CHIC2: variants seen among roughly 807,000 people sequenced by gnomAD.
CHIC2 encodes cysteine-rich hydrophobic domain-containing protein 2.
A neutral mutation model predicts 25.9 loss-of-function variants in CHIC2; 14 were observed. The observed-to-expected ratio is 0.54, with a 90% confidence interval of 0.36 to 0.85. The LOEUF is 0.85. Ranked by LOEUF, CHIC2 falls within the 40% of genes least tolerant of loss-of-function variation. CHIC2 has a pLI of 0.01. For missense variants in CHIC2, 146 were observed against 202.0 expected (o/e 0.72, Z 1.68); for synonymous variants, 70 against 72.0 (o/e 0.97, Z 0.14).
the CHIC2 span, among the ~76,000 whole-genome samples, chr4:54,074,242 T>TCAA: frequency 6.6e-6 from 1 of 152,204 alleles, no homozygotes; most frequent in Non-Finnish European, 1.5e-5. Flanking sequence ...GTGTTATGTC[T>TCAA]CTGTTAAGTG....
chr4:54,059,885 A>G (rs2110093912), intron 1 of CHIC2: 1 of 152,348 alleles, frequency 6.6e-6, no homozygotes, highest in East Asian at 1.9e-4. Flanking sequence ...AAGAACTTAT[A>G]GCCTGTGGAG....
chr4:54,078,528 T>G, the CHIC2 span, among the ~76,000 whole-genome samples: 1 of 152,176 alleles, frequency 6.6e-6, no homozygotes, highest in South Asian at 2.1e-4. Context: ...ATTTATTTAT[T>G]GTTTTGAGAC....
chr4:54,066,625 CTTTTTTTTT>C (rs533491447), upstream of CHIC2, among the ~76,000 whole-genome samples: 2 of 133,720 alleles, frequency 1.5e-5, 1 homozygote, highest in African/African-American at 5.5e-5. Context: ...TCCTGAATGT[CTTTTTTTTT>C]TTTTTTTTTA....
At chr4:54,010,749 T>C (rs1469609893) in intron 5 of CHIC2, among the ~76,000 whole-genome samples, 2 of 152,098 alleles carry the variant, frequency 1.3e-5, no homozygotes, top group Admixed American at 6.6e-5. Flanking sequence ...TCTTTAGACT[T>C]TCTCCTTTTT....
intron 3 of CHIC2, 38 bp downstream of exon 3, chr4:54,048,917 A>C (rs1291220205): frequency 4.8e-6 from 7 of 1,460,120 alleles, no homozygotes; most frequent in Non-Finnish European, 3.7e-6. Context: ...TTGCTTGTCC[A>C]CTTCTAAATT....
chr4:54,089,414 T>TATATATATATAC, the CHIC2 span, among the ~76,000 whole-genome samples: 1 of 117,876 alleles, frequency 8.5e-6, no homozygotes, highest in African/African-American at 3.0e-5. Flanking sequence ...TATATATATA[T>TATATATATATAC]ACACACACAT....
chr4:54,020,948 A>G (rs1368509061), intron 3 of CHIC2, among the ~76,000 whole-genome samples: 3 of 151,950 alleles, frequency 2.0e-5, no homozygotes, highest in African/African-American at 7.3e-5. Context: ...AATTGCGGGG[A>G]TGCCTGCTTT....
chr4:54,030,117 C>A (rs1716177942), intron 3 of CHIC2, among the ~76,000 whole-genome samples: 1 of 151,942 alleles, frequency 6.6e-6, no homozygotes, highest in Non-Finnish European at 1.5e-5. Flanking sequence ...AAATACTTTA[C>A]ATGAGAGAAA....
intron 3 of CHIC2, among the ~76,000 whole-genome samples, chr4:54,037,648 T>C (rs937147668): frequency 1.3e-5 from 2 of 152,168 alleles, no homozygotes; most frequent in African/African-American, 2.4e-5. Flanking sequence ...ATTACCAAAA[T>C]ACACTGTATT....
the CHIC2 span, chr4:54,087,401 G>C: frequency 1.8e-6 from 1 of 563,178 alleles, no homozygotes; most frequent in Non-Finnish European, 3.1e-6. Flanking sequence ...AATTCTAAAG[G>C]AGTATGCAAA....
At chr4:54,028,884 G>C (rs542379398) in intron 3 of CHIC2, among the ~76,000 whole-genome samples, 5 of 152,274 alleles carry the variant, frequency 3.3e-5, no homozygotes, top group South Asian at 2.1e-4. Context: ...CAGCACTTTG[G>C]GGGGCCGAGG....
rs764550944 is a variant in CHIC2 at position 54,035,244 on chromosome 4, T to C, written c.330+13711A>G. 1.1e-4 allele frequency among the ~76,000 whole-genome samples: 16 copies of C among 152,322 alleles called. 1 individual carries two copies. The highest frequency in any genetic ancestry group is 1.9e-4 in the East Asian group (1 of 5,186). ...TCTGGTTTTGGCCTCAGGGTAACGA[T>C]GGCCTCATAAAGTGAGCTGGGAAGG... On this transcript the variant is annotated intron_variant, in intron 3 of 5. Coordinates refer to ENST00000263921, the MANE Select transcript of CHIC2 (RefSeq NM_012110.4).
At chr4:54,041,938 CCA>C (rs1251228531) in intron 3 of CHIC2, among the ~76,000 whole-genome samples, 3 of 151,520 alleles carry the variant, frequency 2.0e-5, no homozygotes, top group African/African-American at 7.3e-5. Context: ...CAGCAAACCA[CCA>C]TGGCACGTGT....
At chr4:54,031,611 C>G (rs1353276595) in intron 3 of CHIC2, among the ~76,000 whole-genome samples, 1 of 103,410 alleles carries the variant, frequency 9.7e-6, no homozygotes, top group African/African-American at 3.9e-5. Context: ...GATGTACTTG[C>G]TTTTTTTTTT....
At chr4:54,027,472 T>C (rs972584199) in intron 3 of CHIC2, among the ~76,000 whole-genome samples, 1 of 152,216 alleles carries the variant, frequency 6.6e-6, no homozygotes, top group Non-Finnish European at 1.5e-5. Context: ...AAGAATCTGT[T>C]TAAGTTTCAA....
At chr4:54,019,884 A>G (rs1163530277) in intron 3 of CHIC2, among the ~76,000 whole-genome samples, 1 of 138,514 alleles carries the variant, frequency 7.2e-6, no homozygotes, top group East Asian at 1.9e-4. Flanking sequence ...CAAATATGTC[A>G]CTATTATTGT....
intron 3 of CHIC2, among the ~76,000 whole-genome samples, chr4:54,031,892 T>A (rs2110071795): frequency 6.6e-6 from 1 of 152,186 alleles, no homozygotes; most frequent in South Asian, 2.1e-4. Context: ...AGTGCTGGGA[T>A]TACAGGAGTG....
intron 3 of CHIC2, among the ~76,000 whole-genome samples, chr4:54,044,305 T>C (rs930622662): frequency 6.6e-6 from 1 of 152,206 alleles, no homozygotes; most frequent in African/African-American, 2.4e-5. Flanking sequence ...GCAGACCTAA[T>C]AGACATCTAC....
chr4:54,083,076 A>C, the CHIC2 span, among the ~76,000 whole-genome samples: 1 of 113,596 alleles, frequency 8.8e-6, no homozygotes, highest in Admixed American at 1.3e-4. Context: ...CCCAGGCTGG[A>C]GTGATCTCGG....
Sources: allele counts gnomAD v4.1 joint callset (sites outside exome capture counted in the v4.1 genomes callset), GRCh38; gene constraint gnomAD v4.1.1; transcripts MANE v1.5; gene names NCBI Gene and HGNC (gene_info 2026-07-23, HGNC 2026-07-21).